The following KCNJ12 variants were observed in gnomAD, a reference collection of about 807,000 sequenced individuals.
The protein encoded by KCNJ12 is potassium inwardly rectifying channel subfamily J member 12.
A neutral mutation model predicts 22.3 loss-of-function variants in KCNJ12; 2 were observed. The ratio of observed to expected loss-of-function variants is 0.09; its 90% confidence interval spans 0.04 to 0.28. KCNJ12 has a LOEUF of 0.28. Among genes scored for constraint, KCNJ12 ranks in the 10% least tolerant of loss-of-function variants. KCNJ12 has a pLI of 1.00. For synonymous variants in KCNJ12, 117 were observed against 261.4 expected, an observed-to-expected ratio of 0.45 and a Z score of 5.33; for missense variants, 155 against 633.3, an observed-to-expected ratio of 0.24 and a Z score of 8.11.
chr17:21,410,507 TGA>T lies in KCNJ12; in HGVS notation c.-57+1869_-57+1870del, dbSNP rs1906262515. 2.0e-5 allele frequency among the ~76,000 whole-genome samples: 3 copies of T among 150,316 alleles called. No individual in the cohort carries two copies. In the South Asian group the frequency reaches 6.4e-4, roughly 32 times the overall value. On this transcript the variant is annotated intron_variant, in intron 2 of 2. Coordinates refer to ENST00000583088, the MANE Select transcript of KCNJ12 (RefSeq NM_021012.5). ...AGCCTTCCCTGCATTGAGTGATCTCTGAGGGGTCTTCCAACGGTGAGGCTTGA... is the reference window on the plus strand; with the variant it reads ...AGCCTTCCCTGCATTGAGTGATCTCTGGGGTCTTCCAACGGTGAGGCTTGA...
intron 1 of KCNJ12, among the ~76,000 whole-genome samples, chr17:21,381,914 C>T (rs575593880): frequency 2.0e-5 from 3 of 152,318 alleles, no homozygotes; most frequent in South Asian, 2.1e-4. Flanking sequence ...CTGCTTCAGC[C>T]AGGCCTGGTG....
chr17:21,395,297 A>G (rs1905316355), intron 1 of KCNJ12, among the ~76,000 whole-genome samples: 1 of 150,328 alleles, frequency 6.7e-6, no homozygotes, highest in Non-Finnish European at 1.5e-5. Context: ...CCTAAAGAAA[A>G]AAAAAAAAAA....
chr17:21,382,979 C>T (rs533878856), intron 1 of KCNJ12, among the ~76,000 whole-genome samples: 110 of 151,750 alleles, frequency 7.2e-4, no homozygotes, highest in Middle Eastern at 3.4e-3. Context: ...CCGGAGGTCA[C>T]ACAGTTCCCG....
chr17:21,402,660 C>T (rs1353604910), intron 1 of KCNJ12, among the ~76,000 whole-genome samples: 1 of 152,430 alleles, frequency 6.6e-6, no homozygotes, highest in Non-Finnish European at 1.5e-5. Context: ...TCTTCTGTAC[C>T]TGAAATAAGG....
At position 21,383,437 on chromosome 17, in the gene KCNJ12, G is replaced by A. The variant is rs554755990; in HGVS notation, c.-179+6524G>A. Among the ~76,000 whole-genome samples, 29 of 152,330 alleles carry A rather than the reference G, an allele frequency of 1.9e-4. 1 individual carries two copies. The South Asian group carries it at 5.2e-3, about 27-fold the overall frequency. ...GGGTCCAGGGGAGCTTGGCGTGGCCGGAGGGGGCGGGTCCTGGCATGATCA... is the reference window on the plus strand; with the variant it reads ...GGGTCCAGGGGAGCTTGGCGTGGCCAGAGGGGGCGGGTCCTGGCATGATCA... On this transcript the variant is annotated intron_variant, in intron 1 of 2. Transcript: ENST00000583088.
intron 1 of KCNJ12, among the ~76,000 whole-genome samples, chr17:21,377,206 A>T (rs1398730879): frequency 6.6e-6 from 1 of 151,998 alleles, no homozygotes; most frequent in Non-Finnish European, 1.5e-5. Context: ...GGAAACTTTG[A>T]GGAGCCCTCG....
At chr17:21,383,675 C>G (rs1273920690) in intron 1 of KCNJ12, among the ~76,000 whole-genome samples, 1 of 152,230 alleles carries the variant, frequency 6.6e-6, no homozygotes, top group East Asian at 1.9e-4. Flanking sequence ...ATGTCCCTTT[C>G]TTTCCATCCC....
intron 2 of KCNJ12, among the ~76,000 whole-genome samples, chr17:21,414,871 G>A (rs1445834595): frequency 2.0e-5 from 3 of 152,310 alleles, no homozygotes; most frequent in African/African-American, 7.2e-5. Flanking sequence ...GAGCAGGGGA[G>A]GGATAGGCAC....
intron 1 of KCNJ12, among the ~76,000 whole-genome samples, chr17:21,379,057 G>A (rs1904773950): frequency 6.6e-6 from 1 of 152,208 alleles, no homozygotes; most frequent in Admixed American, 6.5e-5. Context: ...GGGCCATGGT[G>A]TCCCCATCCC....
At chr17:21,377,204 T>G (rs1904686937) in intron 1 of KCNJ12, among the ~76,000 whole-genome samples, 1 of 152,044 alleles carries the variant, frequency 6.6e-6, no homozygotes, top group African/African-American at 2.4e-5. Flanking sequence ...CGGGAAACTT[T>G]GAGGAGCCCT....
chr17:21,382,345 C>T (rs1904897043), intron 1 of KCNJ12, among the ~76,000 whole-genome samples: 1 of 152,186 alleles, frequency 6.6e-6, no homozygotes, highest in Non-Finnish European at 1.5e-5. Context: ...ATCCTTTCTC[C>T]TGCCTTCAGC....
chr17:21,403,905 C>T (rs1402206924), intron 1 of KCNJ12, among the ~76,000 whole-genome samples: 1 of 152,304 alleles, frequency 6.6e-6, no homozygotes, highest in East Asian at 1.9e-4. Flanking sequence ...GAATTCATGC[C>T]TTGTTGCCCC....
At chr17:21,406,523 G>A (rs1905946381) in intron 1 of KCNJ12, among the ~76,000 whole-genome samples, 1 of 152,304 alleles carries the variant, frequency 6.6e-6, no homozygotes, top group South Asian at 2.1e-4. Context: ...GATGAGGGAT[G>A]GGGAAGAAGG....
rs1258947248 is a variant in KCNJ12 at position 21,395,306 on chromosome 17, A to C, written c.-178-13213A>C. 4.0e-5 allele frequency among the ~76,000 whole-genome samples: 6 copies of C among 151,040 alleles called. No homozygotes were observed. The East Asian group carries it at 5.8e-4, about 15-fold the overall frequency. ...CAAGATCCTAAAGAAAAAAAAAAAA[A>C]AAAAAAAACGGCGCACAGTGACTCA... On this transcript the variant is annotated intron_variant, in intron 1 of 2. Transcript: ENST00000583088.
intron 1 of KCNJ12, among the ~76,000 whole-genome samples, chr17:21,381,093 C>T (rs1904849533): frequency 1.3e-5 from 2 of 152,310 alleles, no homozygotes; most frequent in East Asian, 3.9e-4. Context: ...TCAGCTGCCC[C>T]AGGGAGCAGT....
chr17:21,389,036 C>G (rs1204726761), intron 1 of KCNJ12, among the ~76,000 whole-genome samples: 1 of 152,228 alleles, frequency 6.6e-6, no homozygotes, highest in East Asian at 1.9e-4. Flanking sequence ...GCTGCATCAC[C>G]TCTCTGAACC....
chr17:21,387,533 A>G (rs960317118), intron 1 of KCNJ12, among the ~76,000 whole-genome samples: 1 of 151,468 alleles, frequency 6.6e-6, no homozygotes, highest in African/African-American at 2.4e-5. Context: ...TTTTGGCATC[A>G]GCTACCAGCA....
chr17:21,412,728 G>A (rs562484590), intron 2 of KCNJ12, among the ~76,000 whole-genome samples: 1 of 152,428 alleles, frequency 6.6e-6, no homozygotes, highest in African/African-American at 2.4e-5. Flanking sequence ...ATGGTGAGGT[G>A]GTCAGCCACA....
intron 1 of KCNJ12, among the ~76,000 whole-genome samples, chr17:21,389,417 C>G (rs1363760193): frequency 1.3e-5 from 2 of 152,246 alleles, no homozygotes; most frequent in African/African-American, 4.8e-5. Flanking sequence ...TGGCCTCTCT[C>G]CATGTGTACC....
Sources: gnomAD v4.1 joint callset for allele counts (sites outside exome capture counted in the v4.1 genomes callset) on GRCh38, gnomAD v4.1.1 for gene constraint, MANE v1.5 for transcripts, NCBI Gene and HGNC (gene_info 2026-07-23, HGNC 2026-07-21) for gene names.